Variants in TMEM178B observed in about 807,000 individuals in gnomAD.
The protein encoded by TMEM178B is transmembrane protein 178B.
TMEM178B carries 5 observed loss-of-function variants against 31.0 expected under a neutral mutation model. The ratio of observed to expected loss-of-function variants is 0.16; its 90% CI spans 0.08 to 0.34. The LOEUF (loss-of-function observed/expected upper bound fraction) is 0.34, where lower values mean the gene tolerates loss of function less well. TMEM178B is among the 10% of genes least tolerant of loss of function. TMEM178B has a pLI of 1.00. For missense variants in TMEM178B, 275 were observed against 400.3 expected (o/e 0.69, Z 2.67); for synonymous variants, 164 against 164.0 (o/e 1.00, Z 0.00).
chr7:141,164,613 G>A (rs1401315244), intron 1 of TMEM178B, among the ~76,000 whole-genome samples: 7 of 152,194 alleles, frequency 4.6e-5, no homozygotes, highest in African/African-American at 7.2e-5. Flanking sequence ...TTTTATATCA[G>A]TGATAGAAAT....
At chr7:141,181,583 T>A (rs1404368847) in intron 1 of TMEM178B, among the ~76,000 whole-genome samples, 1 of 152,224 alleles carries the variant, frequency 6.6e-6, no homozygotes, top group African/African-American at 2.4e-5. Flanking sequence ...GCCATTAACA[T>A]TGCATTTCTT....
rs146045305 is a variant in TMEM178B at position 141,401,463 on chromosome 7, G to A, written c.497-36145G>A. Reference sequence around the variant, plus strand: ...GGGTCTTGCTCTGTCACCCAGGCTCGAGCACAGTGTGGTGCGATCATAGCT... The same window carrying A: ...GGGTCTTGCTCTGTCACCCAGGCTCAAGCACAGTGTGGTGCGATCATAGCT... On this transcript the variant is annotated intron_variant, in intron 2 of 3. Coordinates refer to ENST00000565468, the MANE Select transcript of TMEM178B (RefSeq NM_001195278.2). Among the ~76,000 whole-genome samples, 206 of 152,150 alleles carry A rather than the reference G, an allele frequency of 1.4e-3. 1 individual carries two copies. The highest frequency in any genetic ancestry group is 4.5e-3 in the African/African-American group (188 of 41,486).
intron 2 of TMEM178B, among the ~76,000 whole-genome samples, chr7:141,339,030 G>C (rs774914954): frequency 6.6e-5 from 10 of 152,194 alleles, no homozygotes; most frequent in Non-Finnish European, 1.3e-4. Context: ...AGGTGTGCAT[G>C]TGTATGCGTG....
chr7:141,435,273 AACT>A (rs1410587360), intron 2 of TMEM178B, among the ~76,000 whole-genome samples: 14 of 152,260 alleles, frequency 9.2e-5, no homozygotes, highest in Non-Finnish European at 1.5e-5. Flanking sequence ...CAAAATCCAA[AACT>A]ATACATCCTG....
intron 2 of TMEM178B, among the ~76,000 whole-genome samples, chr7:141,324,704 G>A (rs1799160080): frequency 1.3e-5 from 2 of 151,956 alleles, no homozygotes; most frequent in African/African-American, 2.4e-5. Context: ...TTTAATCAGA[G>A]CATATCATCC....
the TMEM178B span, among the ~76,000 whole-genome samples, chr7:141,508,824 G>T: frequency 1.3e-5 from 2 of 152,202 alleles, no homozygotes; most frequent in Non-Finnish European, 2.9e-5. Context: ...CCCACAACAT[G>T]TGGGAATTCT....
chr7:141,488,580 C>T, the TMEM178B span, among the ~76,000 whole-genome samples: 1 of 152,156 alleles, frequency 6.6e-6, no homozygotes, highest in East Asian at 1.9e-4. Context: ...GCTGGGACTA[C>T]AGGTGCATGC....
At chr7:141,431,054 A>C (rs1394334992) in intron 2 of TMEM178B, 2 of 152,206 alleles carry the variant, frequency 1.3e-5, no homozygotes, top group Non-Finnish European at 2.9e-5. Flanking sequence ...GCAGTGCAGC[A>C]CTACAGGCAC....
At chr7:141,192,511 CAG>C (rs1796713608) in intron 1 of TMEM178B, among the ~76,000 whole-genome samples, 1 of 146,458 alleles carries the variant, frequency 6.8e-6, no homozygotes, top group Non-Finnish European at 1.5e-5. Flanking sequence ...TTTTTTGAGA[CAG>C]AGTCTCACTC....
At chr7:141,498,732 C>T in the TMEM178B span, among the ~76,000 whole-genome samples, 1 of 152,144 alleles carries the variant, frequency 6.6e-6, no homozygotes. Flanking sequence ...CAGACGCTTG[C>T]CACTAAAGCG....
chr7:141,310,842 A>G (rs1482921447), intron 2 of TMEM178B, among the ~76,000 whole-genome samples: 2 of 152,216 alleles, frequency 1.3e-5, no homozygotes, highest in East Asian at 3.8e-4. Context: ...ATAAAGATAC[A>G]TGCACGCGTA....
intron 2 of TMEM178B, among the ~76,000 whole-genome samples, chr7:141,425,340 A>T (rs917071831): frequency 2.6e-5 from 4 of 152,058 alleles, no homozygotes; most frequent in Non-Finnish European, 4.4e-5. Context: ...TTGCCAAGCA[A>T]CCCCAAATTC....
At position 141,171,045 on chromosome 7, in the gene TMEM178B, CACACACACACACACACACA is replaced by C. The variant is rs1160890271; in HGVS notation, c.383-41545_383-41527del. On this transcript the variant is annotated intron_variant, in intron 1 of 3. Transcript: ENST00000565468. This position sits in a 1 kb window ranked among gnomAD's most constrained non-coding sequence, Gnocchi z 4.3. ...ACACACACACACACACACACACACA[CACACACACACACACACACA>C]CCCTAAATATAAATTAAAATAAATA... Among the ~76,000 whole-genome samples, 3 of 151,494 alleles carry C rather than the reference CACACACACACACACACACA, an allele frequency of 2.0e-5. No individual in the cohort carries two copies. The highest frequency in any genetic ancestry group is 7.3e-5 in the African/African-American group (3 of 41,198).
intron 2 of TMEM178B, among the ~76,000 whole-genome samples, chr7:141,374,237 G>T (rs983581281): frequency 6.6e-6 from 1 of 152,178 alleles, no homozygotes; most frequent in Non-Finnish European, 1.5e-5. Flanking sequence ...ATTTAAACGG[G>T]ATTCCACCAG....
At chr7:141,414,006 A>C (rs1374719904) in intron 2 of TMEM178B, among the ~76,000 whole-genome samples, 1 of 152,094 alleles carries the variant, frequency 6.6e-6, no homozygotes, top group Non-Finnish European at 1.5e-5. Context: ...TTACGTATCC[A>C]GGAGCAGATA....
rs184427760 is a variant in TMEM178B, at chr7:141,450,016, C to G, written c.634+12271C>G. ...ACAGAGTCTGGGCTACTGGGACAGG[C>G]AGGAAATGGTTTGCCTTTACTCACC... On this transcript the variant is annotated intron_variant, in intron 3 of 3. Coordinates refer to ENST00000565468, the MANE Select transcript of TMEM178B (RefSeq NM_001195278.2). Among the ~76,000 whole-genome samples the G allele has an allele frequency of 2.6e-5, 4 of 152,312 alleles. No homozygotes were observed. The East Asian group carries it at 7.7e-4, about 29-fold the overall frequency.
intron 2 of TMEM178B, among the ~76,000 whole-genome samples, chr7:141,411,553 G>T (rs369192777): frequency 3.3e-5 from 5 of 152,084 alleles, no homozygotes; most frequent in African/African-American, 1.2e-4. Flanking sequence ...TCCCTTTATT[G>T]ACTCAAAGTC....
At chr7:141,270,192 C>A (rs1315703611) in intron 2 of TMEM178B, among the ~76,000 whole-genome samples, 1 of 152,154 alleles carries the variant, frequency 6.6e-6, no homozygotes, top group Non-Finnish European at 1.5e-5. Context: ...CTGTTCAAAG[C>A]TCTGATTTTT....
chr7:141,373,160 C>T (rs957910138), intron 2 of TMEM178B, among the ~76,000 whole-genome samples: 4 of 152,118 alleles, frequency 2.6e-5, no homozygotes, highest in African/African-American at 9.7e-5. Context: ...TATGAAATAC[C>T]TCTTGCAGTT....
Sources: allele counts gnomAD v4.1 joint callset (sites outside exome capture counted in the v4.1 genomes callset), GRCh38; gene constraint gnomAD v4.1.1; non-coding constraint Gnocchi (gnomAD v3.1); transcripts MANE v1.5; gene names NCBI Gene and HGNC (gene_info 2026-07-23, HGNC 2026-07-21).